NCKAP5L: variants seen among roughly 807,000 people sequenced by gnomAD.
NCKAP5L encodes nck-associated protein 5-like.
Under a neutral mutation model 103.2 loss-of-function variants are expected in NCKAP5L, and 54 were observed. The observed-to-expected ratio is 0.52, with a 90% confidence interval of 0.42 to 0.66. The LOEUF (loss-of-function observed/expected upper bound fraction) is 0.66, where lower values mean the gene tolerates loss of function less well. Among genes scored for constraint, NCKAP5L ranks in the 30% least tolerant of loss-of-function variants. The pLI, the probability that NCKAP5L is intolerant of heterozygous loss-of-function variation, is 0.00. For synonymous variants in NCKAP5L, 762 were observed against 748.6 expected, an observed-to-expected ratio of 1.02 and a Z score of -0.29; for missense variants, 1,733 against 1,750.6, an observed-to-expected ratio of 0.99 and a Z score of 0.18.
In NCKAP5L at chr12:49,791,727, G is replaced by T; in HGVS notation, c.*112C>A. On this transcript the variant is annotated 3_prime_UTR_variant, in exon 13 of 13. Transcript: ENST00000335999. The stretch of plus-strand genomic sequence containing the variant: ...CCCCTTTTCACCTTCTTATCCACCT[G>T]CCTCCTTGGTCCCTTCAGGGAGGGG... 1 of 892,960 alleles carries T rather than the reference G, an allele frequency of 1.1e-6. No individual in the cohort carries two copies. Among genetic ancestry groups the T allele is most frequent in the Non-Finnish European group, 1.6e-6 (1 of 606,988 alleles). 55.3% of individuals were successfully genotyped at this position (892,960 alleles called of 1,614,324 possible). A position where few individuals can be genotyped will look rare whatever the true frequency, so the allele number is the denominator to read the frequency against.
In NCKAP5L at chr12:49,795,339, T is replaced by C. The variant is rs1946017582; in HGVS notation, c.2521A>G (p.Lys841Glu). Residue 841 changes from lysine (K) to glutamate (E), a missense_variant, in exon 8 of 13, where the codon AAG (lysine) becomes GAG (glutamate). Coordinates refer to ENST00000335999, the MANE Select transcript of NCKAP5L (RefSeq NM_001037806.4). Reference protein sequence around the residue: ...GAPLVTKESPKPDKGKGPPWA... With the variant: ...GAPLVTKESPEPDKGKGPPWA... Reference sequence around the variant, plus strand: ...GGAGGGCCCTTCCCTTTGTCAGGCTTGGGGGACTCCTTGGTGACTAGCGGA... The same window carrying C: ...GGAGGGCCCTTCCCTTTGTCAGGCTCGGGGGACTCCTTGGTGACTAGCGGA... The C allele has an allele frequency of 6.5e-7, 1 of 1,539,186 alleles. No homozygotes were observed. The highest frequency in any genetic ancestry group is 8.7e-7 in the Non-Finnish European group (1 of 1,148,298).
chr12:49,791,992 C>T lies in NCKAP5L; in HGVS notation c.3852G>A (p.Gln1284=). The part of the protein sequence containing the change: ...QEPSRPSPTP[Q]GPPFGGSRTP... Reference sequence around the variant, plus strand: ...TGCGGCTACCCCCGAAAGGTGGGCCCTGGGGCGTAGGGGACGGGCGGCTGG... The same window carrying T: ...TGCGGCTACCCCCGAAAGGTGGGCCTTGGGGCGTAGGGGACGGGCGGCTGG... The change falls in exon 13 of 13, where the codon CAG becomes CAA. Residue 1284 remains glutamine, a synonymous_variant. Transcript: ENST00000335999. 2 of 1,601,828 alleles carry T rather than the reference C, an allele frequency of 1.2e-6. No individual in the cohort carries two copies. The highest frequency in any genetic ancestry group is 1.7e-6 in the Non-Finnish European group (2 of 1,174,204).
chr12:49,791,752 G>A lies in NCKAP5L; in HGVS notation c.*87C>T. The stretch of plus-strand genomic sequence containing the variant: ...GCCTCCTTGGTCCCTTCAGGGAGGG[G>A]TCCCCGTCTCCGGGGGCTGGGCATG... On this transcript the variant is annotated 3_prime_UTR_variant, in exon 13 of 13. Coordinates refer to ENST00000335999, the MANE Select transcript of NCKAP5L (RefSeq NM_001037806.4). 3 of 1,263,296 alleles carry A rather than the reference G, an allele frequency of 2.4e-6. No homozygotes were observed. Among genetic ancestry groups the A allele is most frequent in the Non-Finnish European group, 3.2e-6 (3 of 931,736 alleles). The allele number at this position is 1,263,296 out of a possible 1,614,324, so 78.3% of individuals were successfully genotyped here.
chr12:49,826,163 G>A (rs936848417), intron 1 of NCKAP5L, among the ~76,000 whole-genome samples: 1 of 152,098 alleles, frequency 6.6e-6, no homozygotes, highest in Non-Finnish European at 1.5e-5. Flanking sequence ...GGGGTGGGAT[G>A]GGCAAAAGCA....
intron 10 of NCKAP5L, 86 bp from the exon 11 acceptor site, chr12:49,793,072 C>T (rs1945967224): frequency 1.8e-6 from 2 of 1,136,792 alleles, no homozygotes; most frequent in East Asian, 5.1e-5. Flanking sequence ...AGCCCAGGCT[C>T]CACCCTTACT....
chr12:49,793,277 C>CGGGAAGAAGTAAAGT (rs1945969750), intron 10 of NCKAP5L, 75 bp downstream of exon 10: 3 of 1,437,780 alleles, frequency 2.1e-6, no homozygotes, highest in African/African-American at 2.8e-5. Flanking sequence ...GCTGCGGGGA[C>CGGGAAGAAGTAAAGT]GGGAAGAAGT....
At chr12:49,804,846 TAC>T (rs1356702244) in intron 2 of NCKAP5L, 1 of 152,238 alleles carries the variant, frequency 6.6e-6, no homozygotes. Context: ...ATGGGGAGAA[TAC>T]AGTTGAGCCT....
chr12:49,821,393 G>T (rs1288047433), intron 1 of NCKAP5L, among the ~76,000 whole-genome samples: 1 of 152,226 alleles, frequency 6.6e-6, no homozygotes, highest in East Asian at 1.9e-4. Flanking sequence ...ATCTGGCAGA[G>T]AAGGGGGTCT....
intron 8 of NCKAP5L, 144 bp downstream of exon 8, chr12:49,794,621 C>G: frequency 1.9e-6 from 1 of 527,392 alleles, no homozygotes; most frequent in East Asian, 5.9e-5. Context: ...CCACCAGCTG[C>G]TTTGGTGGCC....
At chr12:49,800,074 A>G (rs1035614839) in intron 6 of NCKAP5L, among the ~76,000 whole-genome samples, 4 of 152,304 alleles carry the variant, frequency 2.6e-5, no homozygotes, top group African/African-American at 9.6e-5. Flanking sequence ...GCATGCCTAT[A>G]ATCCCAGCTA....
chr12:49,800,915 C>T (rs910195008), intron 6 of NCKAP5L, among the ~76,000 whole-genome samples: 6 of 152,194 alleles, frequency 3.9e-5, no homozygotes, highest in African/African-American at 9.7e-5. Flanking sequence ...GTTGGGCCTC[C>T]GGGGATTCCA....
At chr12:49,819,785 A>G (rs1946340851) in intron 1 of NCKAP5L, among the ~76,000 whole-genome samples, 1 of 152,248 alleles carries the variant, frequency 6.6e-6, no homozygotes. Context: ...TTTAAAAATC[A>G]GGAGAGAAAT....
At chr12:49,793,010 G>A (rs538919260) in intron 10 of NCKAP5L, 24 bp from the exon 11 acceptor site, 9 of 1,490,184 alleles carry the variant, frequency 6.0e-6, no homozygotes, top group African/African-American at 4.2e-5. Flanking sequence ...GGGAGGGCCC[G>A]TTAAGAGTGT....
intron 6 of NCKAP5L, among the ~76,000 whole-genome samples, chr12:49,799,998 C>T (rs1372542169): frequency 2.0e-5 from 3 of 152,178 alleles, no homozygotes; most frequent in Non-Finnish European, 2.9e-5. Flanking sequence ...GAGTTCGAGA[C>T]CAGCCTGACC....
rs769925783 is a variant in NCKAP5L at position 49,795,141 on chromosome 12, C to T, written c.2719G>A (p.Ala907Thr). Residue 907 changes from alanine (A) to threonine (T), a missense_variant, in exon 8 of 13, where the codon GCC becomes ACC. Coordinates refer to ENST00000335999, the MANE Select transcript of NCKAP5L (RefSeq NM_001037806.4). ...CTGGTGTTGCGGTGCTTGACCTCGG[C>T]GCCAGGGGCTCGCTCCTGGCCCTGG... ...RLQGQERAPG[A>T]EVKHRNTSSI... The T allele has an allele frequency of 2.7e-5, 44 of 1,611,152 alleles. No individual in the cohort carries two copies. The highest frequency in any genetic ancestry group is 1.6e-4 in the South Asian group (15 of 90,990).
rs1946051560 is a variant in NCKAP5L at position 49,796,673 on chromosome 12, G to T, written c.1187C>A (p.Thr396Asn). ...PEAHRPGFGATSEGQGPLPFL... is the reference protein window; with the variant it reads ...PEAHRPGFGANSEGQGPLPFL... ...GGGGAGGGGCCCCTGGCCCTCTGAG[G>T]TAGCACCGAAGCCTGGCCTGTGGGC... Residue 396 changes from threonine to asparagine, a missense_variant, in exon 8 of 13, where the codon ACC (threonine) becomes AAC (asparagine). Physicochemically the swap from Thr to Asn is moderately conservative, Grantham distance 65 (BLOSUM62 0). Transcript: ENST00000335999. 1.3e-6 allele frequency: 2 copies of T among 1,584,906 alleles called. No homozygotes were observed. Among genetic ancestry groups the T allele is most frequent in the Non-Finnish European group, 1.7e-6 (2 of 1,166,786 alleles).
chr12:49,795,944 C>T lies in NCKAP5L; in HGVS notation c.1916G>A (p.Gly639Asp). Residue 639 changes from glycine to aspartate, a missense_variant, in exon 8 of 13, where the codon GGC becomes GAC. By Grantham distance (94) the Gly-to-Asp change is moderately conservative. Coordinates refer to ENST00000335999, the MANE Select transcript of NCKAP5L (RefSeq NM_001037806.4). ...ESPHPGRRTP[G>D]NSSKKPSQGS... is the part of the protein sequence containing the mutation. ...CTGGCTGGGCTTCTTGGATGAGTTG[C>T]CTGGGGTCCTGCGGCCGGGATGGGG... The T allele has an allele frequency of 6.5e-7, 1 of 1,529,104 alleles. No homozygotes were observed. Among genetic ancestry groups the T allele is most frequent in the South Asian group, 1.3e-5 (1 of 75,166 alleles). The allele number at this position is 1,529,104 out of a possible 1,614,324, so 94.7% of individuals were successfully genotyped here. A position where few individuals can be genotyped will look rare whatever the true frequency, so the allele number is the denominator to read the frequency against.
chr12:49,817,007 A>G (rs1220567292), intron 1 of NCKAP5L, among the ~76,000 whole-genome samples: 1 of 152,122 alleles, frequency 6.6e-6, no homozygotes, highest in African/African-American at 2.4e-5. Context: ...TAAGACATGC[A>G]AGAAAAAAAA....
intron 1 of NCKAP5L, among the ~76,000 whole-genome samples, chr12:49,820,922 C>A (rs902245739): frequency 6.6e-6 from 1 of 152,172 alleles, no homozygotes; most frequent in Non-Finnish European, 1.5e-5. Context: ...GCCTCAGTTT[C>A]CTTCCTGTAA....
Sources: allele counts gnomAD v4.1 joint callset (sites outside exome capture counted in the v4.1 genomes callset), GRCh38; gene constraint gnomAD v4.1.1; transcripts MANE v1.5; gene names NCBI Gene and HGNC (gene_info 2026-07-23, HGNC 2026-07-21).